UGT1A6: variants seen among roughly 807,000 people sequenced by gnomAD.
The protein encoded by UGT1A6 is UDP-glucuronosyltransferase 1A6.
Under a neutral mutation model 44.4 loss-of-function variants are expected in UGT1A6, and 32 were observed. The ratio of observed to expected loss-of-function variants is 0.72; its 90% CI spans 0.54 to 0.97. UGT1A6 has a LOEUF of 0.97. UGT1A6 is among the 50% of genes least tolerant of loss of function. The probability of loss-of-function intolerance (pLI) is 0.00; values close to 1 mark genes in which losing one functional copy is unlikely to be tolerated. For synonymous variants in UGT1A6, 238 were observed against 248.5 expected (o/e 0.96, Z 0.40); for missense variants, 685 against 661.9 (o/e 1.03, Z -0.38).
rs560828770 is a variant in UGT1A6, at chr2:233,701,758, G to A, written c.861+7893G>A. 2.2e-4 allele frequency among the ~76,000 whole-genome samples: 34 copies of A among 152,276 alleles called. No individual in the cohort carries two copies. The East Asian group carries it at 2.3e-3, about 10-fold the overall frequency. On this transcript the variant is annotated intron_variant, in intron 1 of 4. Transcript: ENST00000305139. ...CCTGAATAACTACTGGGTACATAACGAAATGAAGGCAGAAATAAAGGTGTT... is the reference window on the plus strand; with the variant it reads ...CCTGAATAACTACTGGGTACATAACAAAATGAAGGCAGAAATAAAGGTGTT...
intron 1 of UGT1A6, among the ~76,000 whole-genome samples, chr2:233,757,539 T>TATATAC (rs762018928): frequency 5.2e-5 from 6 of 115,748 alleles, no homozygotes; most frequent in African/African-American, 1.5e-4. Flanking sequence ...GTAAGGAATA[T>TATATAC]ATATATATAT....
At chr2:233,743,731 G>C (rs373030535) in intron 1 of UGT1A6, 1 of 1,367,360 alleles carries the variant, frequency 7.3e-7, no homozygotes, top group East Asian at 4.5e-5. Flanking sequence ...CATAGATATC[G>C]CGTTTCTTGG....
chr2:233,699,210 GA>G (rs1003409179), intron 1 of UGT1A6, among the ~76,000 whole-genome samples: 1 of 149,904 alleles, frequency 6.7e-6, no homozygotes, highest in Non-Finnish European at 1.5e-5. Context: ...GCTGTTGCAT[GA>G]AAAAAAAACA....
intron 1 of UGT1A6, chr2:233,713,576 T>C: frequency 6.2e-7 from 1 of 1,613,998 alleles, no homozygotes; most frequent in African/African-American, 1.3e-5. Context: ...CCTATATTCC[T>C]AGATTACTAA....
intron 1 of UGT1A6, among the ~76,000 whole-genome samples, chr2:233,701,040 G>A (rs1195545458): frequency 2.6e-5 from 4 of 152,104 alleles, no homozygotes; most frequent in African/African-American, 9.7e-5. Flanking sequence ...CCCTACAAAG[G>A]ACATGAACTC....
chr2:233,693,644 G>A lies in UGT1A6; in HGVS notation c.640G>A (p.Val214Ile). ...TFSQRVANFL[V>I]NLLEPYLFYC... ...TTCCCAACGAGTGGCCAACTTCCTT[G>A]TTAATTTGTTGGAGCCCTATCTATT... is the stretch of plus-strand genomic sequence containing the variant. Residue 214 changes from valine to isoleucine, a missense_variant, in exon 1 of 5, where the codon GTT becomes ATT. Coordinates refer to ENST00000305139, the MANE Select transcript of UGT1A6 (RefSeq NM_001072.4). 6.2e-7 allele frequency: 1 copy of A among 1,614,158 alleles called. No individual in the cohort carries two copies. Among genetic ancestry groups the A allele is most frequent in the Non-Finnish European group, 8.5e-7 (1 of 1,180,024 alleles).
intron 1 of UGT1A6, chr2:233,717,992 T>C: frequency 2.4e-6 from 1 of 424,356 alleles, no homozygotes; most frequent in Non-Finnish European, 4.7e-6. Flanking sequence ...ATTCAGACTG[T>C]GCAAGATCTG....
At chr2:233,761,518 T>C (rs780967719) in intron 1 of UGT1A6, among the ~76,000 whole-genome samples, 1 of 152,242 alleles carries the variant, frequency 6.6e-6, no homozygotes, top group African/African-American at 2.4e-5. Context: ...GCAGGCAATG[T>C]TCAGGACTGA....
intron 1 of UGT1A6, chr2:233,713,058 C>G: frequency 6.2e-7 from 1 of 1,614,146 alleles, no homozygotes. Flanking sequence ...CCTCAGTGTC[C>G]AGCCCTGGGC....
chr2:233,719,001 C>T (rs199607987), intron 1 of UGT1A6: 45 of 1,614,084 alleles, frequency 2.8e-5, no homozygotes, highest in African/African-American at 4.0e-5. Context: ...GGCGGTGGTC[C>T]TCACCCCAGA....
upstream of UGT1A6, chr2:233,691,800 T>G (rs1028258003): frequency 9.0e-5 from 20 of 221,568 alleles, no homozygotes; most frequent in Admixed American, 2.6e-4. Context: ...CTTATACTTC[T>G]CAAATCTTAA....
chr2:233,731,735 C>T (rs574748193), intron 1 of UGT1A6, among the ~76,000 whole-genome samples: 1 of 152,288 alleles, frequency 6.6e-6, no homozygotes, highest in East Asian at 1.9e-4. Flanking sequence ...AATAGTGCCA[C>T]AATAAACATA....
At chr2:233,751,036 G>T (rs1694621697) in intron 1 of UGT1A6, among the ~76,000 whole-genome samples, 1 of 151,846 alleles carries the variant, frequency 6.6e-6, no homozygotes, top group South Asian at 2.1e-4. Context: ...AGCTTGCACT[G>T]TGTGCCTGGA....
intron 1 of UGT1A6, among the ~76,000 whole-genome samples, chr2:233,724,413 G>A (rs1179316008): frequency 7.1e-6 from 1 of 141,162 alleles, no homozygotes; most frequent in Non-Finnish European, 1.5e-5. Context: ...TGGGGTGGCT[G>A]CCGGGCGGAG....
intron 1 of UGT1A6, among the ~76,000 whole-genome samples, chr2:233,749,386 AT>A (rs1439732191): frequency 2.6e-5 from 4 of 151,906 alleles, no homozygotes; most frequent in Non-Finnish European, 5.9e-5. Flanking sequence ...CAGTTTTTCA[AT>A]GTGAACATAT....
chr2:233,696,423 T>G (rs1466481470), intron 1 of UGT1A6, among the ~76,000 whole-genome samples: 1 of 152,216 alleles, frequency 6.6e-6, no homozygotes, highest in African/African-American at 2.4e-5. Flanking sequence ...CCTTTTCAGT[T>G]TTTTCTCTGT....
chr2:233,708,423 A>G (rs759407655), intron 1 of UGT1A6: 8 of 152,174 alleles, frequency 5.3e-5, no homozygotes, highest in Non-Finnish European at 1.0e-4. Flanking sequence ...ACCAGTGAAG[A>G]TAAGAACTGG....
chr2:233,723,542 A>ATTTTTTTTTTT (rs2077098328), intron 1 of UGT1A6, among the ~76,000 whole-genome samples: 1 of 74,518 alleles, frequency 1.3e-5, no homozygotes. Context: ...TTTTTAATTT[A>ATTTTTTTTTTT]TTTTTTTATT....
At chr2:233,760,808 C>T in intron 1 of UGT1A6, 3 of 1,613,442 alleles carry the variant, frequency 1.9e-6, no homozygotes, top group Non-Finnish European at 2.5e-6. Flanking sequence ...TTCTTGCATG[C>T]ACTGCCATGC....
Sources: allele counts gnomAD v4.1 joint callset (sites outside exome capture counted in the v4.1 genomes callset), GRCh38; gene constraint gnomAD v4.1.1; transcripts MANE v1.5; gene names NCBI Gene and HGNC (gene_info 2026-07-23, HGNC 2026-07-21).